DPP10: variants seen among roughly 807,000 people sequenced by gnomAD.
DPP10 encodes inactive dipeptidyl peptidase 10.
DPP10 carries 33 observed loss-of-function variants against 120.9 expected under a neutral mutation model. The observed-to-expected ratio is 0.27, with a 90% confidence interval of 0.21 to 0.37. The LOEUF (loss-of-function observed/expected upper bound fraction) is 0.37. Ranked by LOEUF, DPP10 falls within the 10% of genes least tolerant of loss-of-function variation. DPP10 has a pLI of 1.00. For synonymous variants in DPP10, 337 were observed against 326.1 expected (o/e 1.03, Z -0.36); for missense variants, 816 against 942.8 (o/e 0.87, Z 1.76).
intron 1 of DPP10, among the ~76,000 whole-genome samples, chr2:114,555,805 T>G (rs1444346732): frequency 1.3e-5 from 2 of 152,192 alleles, no homozygotes; most frequent in African/African-American, 4.8e-5. Context: ...ACATCATATA[T>G]AAGTGTAGTT....
intron 1 of DPP10, among the ~76,000 whole-genome samples, chr2:114,854,029 TG>T (rs757120837): frequency 8.7e-4 from 132 of 152,294 alleles, no homozygotes; most frequent in Non-Finnish European, 1.7e-3. Context: ...AGATAATAAA[TG>T]TTTCTTCTTT....
chr2:115,392,534 A>G (rs2067389242), intron 3 of DPP10, among the ~76,000 whole-genome samples: 1 of 152,178 alleles, frequency 6.6e-6, no homozygotes, highest in African/African-American at 2.4e-5. Flanking sequence ...TATCACATAT[A>G]TATAACTAAT....
chr2:114,552,566 AC>A (rs1687968513), intron 1 of DPP10, among the ~76,000 whole-genome samples: 1 of 151,134 alleles, frequency 6.6e-6, no homozygotes. Context: ...TTTTTTTTAG[AC>A]CAAGTCTTAC....
chr2:115,831,999 T>C (rs918627539), intron 21 of DPP10, among the ~76,000 whole-genome samples: 12 of 152,212 alleles, frequency 7.9e-5, no homozygotes, highest in Non-Finnish European at 1.8e-4. Flanking sequence ...ACAGACGATA[T>C]GGTGATTCCC....
chr2:115,172,026 T>A (rs2053384356), intron 1 of DPP10, among the ~76,000 whole-genome samples: 1 of 152,014 alleles, frequency 6.6e-6, no homozygotes, highest in Non-Finnish European at 1.5e-5. Context: ...CCTCTTACAC[T>A]CAGCATGAAT....
At chr2:114,458,888 G>A (rs1678720795) in intron 1 of DPP10, among the ~76,000 whole-genome samples, 1 of 152,134 alleles carries the variant, frequency 6.6e-6, no homozygotes, top group African/African-American at 2.4e-5. Context: ...TCATCTCTGA[G>A]TTATTGGGAA....
chr2:114,615,660 A>G (rs1200189322), intron 1 of DPP10, among the ~76,000 whole-genome samples: 1 of 152,168 alleles, frequency 6.6e-6, no homozygotes, highest in African/African-American at 2.4e-5. Flanking sequence ...TTTACTGGTT[A>G]GCCTTGGGCA....
chr2:115,497,936 ATAAAGT>A (rs1252539336), intron 3 of DPP10, among the ~76,000 whole-genome samples: 2 of 148,472 alleles, frequency 1.3e-5, no homozygotes, highest in Non-Finnish European at 3.0e-5. Flanking sequence ...AGGAAAACAG[ATAAAGT>A]TAATGATAAA....
intron 1 of DPP10, among the ~76,000 whole-genome samples, chr2:114,624,586 A>G (rs1694352953): frequency 6.6e-6 from 1 of 151,952 alleles, no homozygotes; most frequent in South Asian, 2.1e-4. Flanking sequence ...TTCACTTAAA[A>G]GAGACATTTT....
At chr2:115,633,699 C>G (rs1379706380) in intron 5 of DPP10, among the ~76,000 whole-genome samples, 1 of 152,100 alleles carries the variant, frequency 6.6e-6, no homozygotes, top group Non-Finnish European at 1.5e-5. Context: ...ACCTTTTTCT[C>G]TGGCTGCCTT....
chr2:115,712,117 A>C (rs1241446611), intron 7 of DPP10, among the ~76,000 whole-genome samples: 1 of 151,504 alleles, frequency 6.6e-6, no homozygotes, highest in Non-Finnish European at 1.5e-5. Flanking sequence ...TGTAATATGT[A>C]ATGAAACAAT....
At chr2:115,638,935 A>G (rs72947983) in intron 5 of DPP10, among the ~76,000 whole-genome samples, 6,113 of 152,208 alleles carry the variant, frequency 0.04, 405 homozygotes, top group African/African-American at 0.14. Flanking sequence ...TGAAGCGCTG[A>G]CTCAGGTAGA....
intron 19 of DPP10, among the ~76,000 whole-genome samples, chr2:115,806,339 T>C (rs1363982724): frequency 1.3e-5 from 2 of 152,202 alleles, no homozygotes; most frequent in Non-Finnish European, 2.9e-5. Context: ...ATAATTTCTT[T>C]ACCGCTATAT....
chr2:115,162,213 G>T lies in DPP10; in HGVS notation c.61-147026G>T, dbSNP rs571454423. 7 of 1,556,806 alleles carry T rather than the reference G, an allele frequency of 4.5e-6. No individual in the cohort carries two copies. The African/African-American group carries it at 8.1e-5, about 18-fold the overall frequency. ...GCGGGAAGTTAGAGCCTCTGCGTGCGCTCCGGGGCCCGGCGAGAGGATGCG... is the reference window on the plus strand; with the variant it reads ...GCGGGAAGTTAGAGCCTCTGCGTGCTCTCCGGGGCCCGGCGAGAGGATGCG... On this transcript the variant is annotated intron_variant, in intron 1 of 25. Transcript: ENST00000410059.
chr2:114,827,490 A>G (rs1019761675), intron 1 of DPP10, among the ~76,000 whole-genome samples: 1 of 152,188 alleles, frequency 6.6e-6, no homozygotes, highest in Admixed American at 6.5e-5. Context: ...TTATGGCCAT[A>G]AGCCACCAAC....
chr2:114,910,228 C>G, intron 1 of DPP10, among the ~76,000 whole-genome samples: 1 of 151,696 alleles, frequency 6.6e-6, no homozygotes, highest in African/African-American at 2.4e-5. Context: ...ATTAATATTA[C>G]ATATCAAAAC....
At chr2:115,236,438 T>G (rs1054846900) in intron 1 of DPP10, among the ~76,000 whole-genome samples, 2 of 152,178 alleles carry the variant, frequency 1.3e-5, no homozygotes, top group Non-Finnish European at 2.9e-5. Flanking sequence ...GGGAAGTCAT[T>G]TTCTTTGGTT....
At chr2:114,714,885 G>A (rs1456653799) in intron 1 of DPP10, among the ~76,000 whole-genome samples, 1 of 152,014 alleles carries the variant, frequency 6.6e-6, no homozygotes, top group Non-Finnish European at 1.5e-5. Context: ...AACAAAGAAA[G>A]AAACAAAAGA....
At chr2:115,632,832 G>A (rs2085994608) in intron 5 of DPP10, among the ~76,000 whole-genome samples, 1 of 152,106 alleles carries the variant, frequency 6.6e-6, no homozygotes, top group Non-Finnish European at 1.5e-5. Context: ...ATGAAAAAAT[G>A]CTCATCATCA....
Sources: gnomAD v4.1 joint callset for allele counts (sites outside exome capture counted in the v4.1 genomes callset) on GRCh38, gnomAD v4.1.1 for gene constraint, MANE v1.5 for transcripts, NCBI Gene and HGNC (gene_info 2026-07-23, HGNC 2026-07-21) for gene names.